Variants in CACNA2D2 observed in about 807,000 individuals in gnomAD.
CACNA2D2 encodes the protein voltage-dependent calcium channel subunit alpha-2/delta-2.
A neutral mutation model predicts 166.4 loss-of-function variants in CACNA2D2; 48 were observed. The ratio of observed to expected loss-of-function variants is 0.29; its 90% CI spans 0.23 to 0.37. CACNA2D2 has a LOEUF of 0.37. CACNA2D2 is among the 10% of genes least tolerant of loss of function. The pLI is 1.00. For missense variants in CACNA2D2, 1,122 were observed against 1,433.0 expected (o/e 0.78, Z 3.50); for synonymous variants, 561 against 573.7 (o/e 0.98, Z 0.32).
intron 2 of CACNA2D2, among the ~76,000 whole-genome samples, chr3:50,463,377 T>C (rs1039501687): frequency 2.6e-5 from 4 of 152,090 alleles, no homozygotes; most frequent in African/African-American, 7.2e-5. Context: ...TCACAGGTCA[T>C]TGCAATCTCG....
intron 2 of CACNA2D2, among the ~76,000 whole-genome samples, chr3:50,464,583 A>C (rs2236986): frequency 0.041 from 6,173 of 152,164 alleles, 861 homozygotes; most frequent in East Asian, 0.35. Context: ...TCTGAGGGGG[A>C]GACACAGTAT....
At chr3:50,486,224 T>C (rs1698275144) in intron 1 of CACNA2D2, among the ~76,000 whole-genome samples, 1 of 152,162 alleles carries the variant, frequency 6.6e-6, no homozygotes, top group African/African-American at 2.4e-5. Context: ...GGGACACCTG[T>C]GGAGGTCACC....
intron 2 of CACNA2D2, among the ~76,000 whole-genome samples, chr3:50,442,351 G>A (rs778850537): frequency 6.6e-6 from 1 of 152,196 alleles, no homozygotes; most frequent in African/African-American, 2.4e-5. Flanking sequence ...GTATCTCCAA[G>A]GTCACAAGTT....
chr3:50,489,460 G>A (rs1374564076), intron 1 of CACNA2D2, among the ~76,000 whole-genome samples: 1 of 152,236 alleles, frequency 6.6e-6, no homozygotes, highest in East Asian at 1.9e-4. Flanking sequence ...TCTGTGCCAG[G>A]GAAGATGGGG....
At chr3:50,383,223 G>A (rs1705425914) in intron 6 of CACNA2D2, among the ~76,000 whole-genome samples, 1 of 152,172 alleles carries the variant, frequency 6.6e-6, no homozygotes, top group South Asian at 2.1e-4. Context: ...CCTGTGGGGA[G>A]CAGGGGGGAG....
At chr3:50,400,917 C>T (rs1426635358) in intron 3 of CACNA2D2, among the ~76,000 whole-genome samples, 1 of 152,194 alleles carries the variant, frequency 6.6e-6, no homozygotes, top group Non-Finnish European at 1.5e-5. Context: ...TCAAGTGATC[C>T]TCCTGCCTCG....
intron 2 of CACNA2D2, among the ~76,000 whole-genome samples, chr3:50,455,481 A>T (rs937576984): frequency 6.6e-6 from 1 of 152,200 alleles, no homozygotes; most frequent in East Asian, 1.9e-4. Flanking sequence ...CGGCGTGGAG[A>T]GATAAATATT....
Position 50,379,181 on chromosome 3 carries a change from T to C in CACNA2D2, c.1171A>G (p.Asn391Asp). The change falls in exon 12 of 38, where the codon AAC (asparagine) becomes GAC (aspartate). Residue 391 changes from asparagine (N) to aspartate (D), a missense_variant. This residue lies in a region of CACNA2D2 where 840 missense variants were observed against 1,166.8 expected (regional missense o/e 0.72). Coordinates refer to ENST00000424201, the MANE Select transcript of CACNA2D2 (RefSeq NM_006030.4). The surrounding 1 kb of genome is among the most constrained non-coding windows in gnomAD (Gnocchi z 6.5). ...AACATCATGATCATCTTGTTGCAGT[T>C]GGCCCGAGTGATGTTGGACTGAGGG... ...QLQNSNITRA[N>D]CNKMIMMFTD... is the part of the protein sequence containing the mutation. 1 of 1,613,904 alleles carries C rather than the reference T, an allele frequency of 6.2e-7. No homozygotes were observed. The highest frequency in any genetic ancestry group is 8.5e-7 in the Non-Finnish European group (1 of 1,179,898).
intron 1 of CACNA2D2, among the ~76,000 whole-genome samples, chr3:50,500,431 C>A (rs1657805185): frequency 6.6e-6 from 1 of 152,056 alleles, no homozygotes; most frequent in Non-Finnish European, 1.5e-5. Context: ...AGAGGCCCAG[C>A]AGAGAGGACA....
intron 3 of CACNA2D2, among the ~76,000 whole-genome samples, 176 bp from the exon 4 acceptor site, chr3:50,394,344 T>C (rs993310175): frequency 6.6e-6 from 1 of 152,082 alleles, no homozygotes; most frequent in African/African-American, 2.4e-5. Context: ...CAGCTTGCTG[T>C]GTGGGCACCT....
intron 1 of CACNA2D2, among the ~76,000 whole-genome samples, chr3:50,484,906 G>A (rs1172338468): frequency 6.6e-6 from 1 of 152,264 alleles, no homozygotes; most frequent in Non-Finnish European, 1.5e-5. Context: ...GGGGTAGGCA[G>A]GTGGGGTGGG....
intron 3 of CACNA2D2, among the ~76,000 whole-genome samples, chr3:50,398,356 C>T (rs1403470417): frequency 6.6e-6 from 1 of 152,214 alleles, no homozygotes; most frequent in African/African-American, 2.4e-5. Context: ...CCTCTAGCCA[C>T]ATCCACTTCC....
intron 2 of CACNA2D2, among the ~76,000 whole-genome samples, chr3:50,454,306 G>A (rs959575038): frequency 6.6e-6 from 1 of 152,232 alleles, no homozygotes; most frequent in African/African-American, 2.4e-5. Flanking sequence ...CTTGGCACCC[G>A]CTGTGTACGC....
chr3:50,457,880 C>A (rs1709431488), intron 2 of CACNA2D2, among the ~76,000 whole-genome samples: 1 of 152,156 alleles, frequency 6.6e-6, no homozygotes, highest in Non-Finnish European at 1.5e-5. Context: ...CTGAGGAGGG[C>A]AGCCCAAGTG....
At chr3:50,495,569 G>A (rs1231856994) in intron 1 of CACNA2D2, among the ~76,000 whole-genome samples, 3 of 152,326 alleles carry the variant, frequency 2.0e-5, no homozygotes, top group Middle Eastern at 3.4e-3. Flanking sequence ...TCCAGATGGA[G>A]AACATGTGGA....
intron 3 of CACNA2D2, among the ~76,000 whole-genome samples, chr3:50,426,568 G>C (rs539813890): frequency 6.6e-6 from 1 of 152,166 alleles, no homozygotes; most frequent in Non-Finnish European, 1.5e-5. Context: ...TCGGTGGCTG[G>C]GTACAGGTGG....
At chr3:50,426,590 C>T (rs1209802044) in intron 3 of CACNA2D2, among the ~76,000 whole-genome samples, 4 of 152,184 alleles carry the variant, frequency 2.6e-5, no homozygotes, top group Non-Finnish European at 4.4e-5. Context: ...GGGGCTGACC[C>T]ATCAGGCTCT....
chr3:50,365,192 C>T lies in CACNA2D2; in HGVS notation c.3099-8G>A, dbSNP rs201346112. 6.2e-7 allele frequency: 1 copy of T among 1,611,606 alleles called. No individual in the cohort carries two copies. Among genetic ancestry groups the T allele is most frequent in the Admixed American group, 1.7e-5 (1 of 59,896 alleles). The stretch of plus-strand genomic sequence containing the variant: ...CTCTGCGCGTGGAACAGCCTGCGGG[C>T]AGCCCGGAAAGGCGGGGCGTTGAGT... On this transcript the variant is annotated splice_region_variant and splice_polypyrimidine_tract_variant and intron_variant, in intron 35 of 37. Transcript: ENST00000424201. This position sits in a 1 kb window ranked among gnomAD's most constrained non-coding sequence, Gnocchi z 4.5.
At chr3:50,388,969 C>G (rs587616284) in intron 4 of CACNA2D2, among the ~76,000 whole-genome samples, 211 of 152,374 alleles carry the variant, frequency 1.4e-3, no homozygotes, top group Non-Finnish European at 1.6e-3. Flanking sequence ...TTCCAGCATC[C>G]CAGGGCGCCT....
Sources: gnomAD v4.1 joint callset for allele counts (sites outside exome capture counted in the v4.1 genomes callset) on GRCh38, gnomAD v4.1.1 for gene constraint, gnomAD v4.1.1 regional missense constraint, Gnocchi (gnomAD v3.1) non-coding constraint, MANE v1.5 for transcripts, NCBI Gene and HGNC (gene_info 2026-07-23, HGNC 2026-07-21) for gene names.